EXOSC5: variants seen among roughly 807,000 people sequenced by gnomAD.
The protein encoded by EXOSC5 is exosome complex component RRP46.
Under a neutral mutation model 23.7 loss-of-function variants are expected in EXOSC5, and 15 were observed. The ratio of observed to expected loss-of-function variants is 0.63; its 90% CI spans 0.42 to 0.97. The LOEUF is 0.97. EXOSC5 is among the 50% of genes least tolerant of loss of function. The probability of loss-of-function intolerance (pLI) is 0.00; values close to 1 mark genes in which losing one functional copy is unlikely to be tolerated. For missense variants in EXOSC5, 305 were observed against 316.3 expected (o/e 0.96, Z 0.27); for synonymous variants, 143 against 140.9 (o/e 1.02, Z -0.11).
intron 2 of EXOSC5, 89 bp from the exon 3 acceptor site, chr19:41,392,051 C>G (rs778457484): frequency 5.3e-6 from 8 of 1,514,130 alleles, no homozygotes; most frequent in Non-Finnish European, 7.0e-6. Flanking sequence ...AGAAAGGGCT[C>G]ACGGTCTCAG....
Position 41,397,241 on chromosome 19 carries a change from G to A in EXOSC5, c.88C>T (p.His30Tyr). 1 of 1,614,200 alleles carries A rather than the reference G, an allele frequency of 6.2e-7. No individual in the cohort carries two copies. ...AGCAGGTTCTGTTCGCAGGCAAAGT[G>A]CCGGAGGCTGCAGCCAGGACCCCGA... ...SPRGPGCSLR[H>Y]FACEQNLLSR... Residue 30 changes from histidine (H) to tyrosine (Y), a missense_variant, in exon 1 of 6, where the codon CAC (histidine) becomes TAC (tyrosine). Transcript: ENST00000221233.
At chr19:41,393,717 A>G (rs147704668) in intron 1 of EXOSC5, among the ~76,000 whole-genome samples, 5,139 of 151,236 alleles carry the variant, frequency 0.034, 274 homozygotes, top group African/African-American at 0.12. Flanking sequence ...GCGCCACCAC[A>G]CCTGGCTAAT....
intron 1 of EXOSC5, among the ~76,000 whole-genome samples, chr19:41,393,239 A>G (rs773519543): frequency 5.3e-5 from 8 of 152,222 alleles, no homozygotes; most frequent in Non-Finnish European, 1.2e-4. Context: ...TGAATGTGCA[A>G]CAGACTTTAG....
chr19:41,391,887 C>CG lies in EXOSC5; in HGVS notation c.337dup (p.Arg113ProfsTer50), dbSNP rs1417843923. On this transcript the variant is annotated frameshift_variant, in exon 3 of 6. Coordinates refer to ENST00000221233, the MANE Select transcript of EXOSC5 (RefSeq NM_020158.4). LOFTEE classifies it high-confidence loss of function. ...CTGCAGCACCACGGTGATGGAGGTG[C>CG]GGGGGTGCAACGTGCCCAGCACCAC... 4 of 1,560,482 alleles carry CG rather than the reference C, an allele frequency of 2.6e-6. No homozygotes were observed. Among genetic ancestry groups the CG allele is most frequent in the Non-Finnish European group, 3.4e-6 (4 of 1,159,988 alleles).
intron 1 of EXOSC5, among the ~76,000 whole-genome samples, chr19:41,395,145 C>T (rs1350389852): frequency 6.6e-6 from 1 of 152,080 alleles, no homozygotes; most frequent in Non-Finnish European, 1.5e-5. Flanking sequence ...TTCTTACGTT[C>T]GAAGAAACTT....
intron 1 of EXOSC5, among the ~76,000 whole-genome samples, chr19:41,396,132 TG>T (rs1411372380): frequency 1.3e-5 from 2 of 152,036 alleles, no homozygotes; most frequent in Non-Finnish European, 2.9e-5. Context: ...GGCTCATACC[TG>T]TATGAGCACT....
chr19:41,392,062 C>T (rs1483585466), intron 2 of EXOSC5, 100 bp from the exon 3 acceptor site: 1 of 1,494,706 alleles, frequency 6.7e-7, no homozygotes, highest in South Asian at 1.3e-5. Context: ...ACGGTCTCAG[C>T]CTGGGATGGT....
Position 41,386,527 on chromosome 19 carries a change from A to C in EXOSC5, c.*106T>G, listed in dbSNP as rs2038985086. On this transcript the variant is annotated 3_prime_UTR_variant, in exon 6 of 6. Coordinates refer to ENST00000221233, the MANE Select transcript of EXOSC5 (RefSeq NM_020158.4). ...CCTGTGGTTACAGAGCTGCAGGCTC[A>C]AGGAGCCCATGGGTCAGAGAGGCAA... 8.8e-7 allele frequency: 1 copy of C among 1,131,738 alleles called. No individual in the cohort carries two copies. Among genetic ancestry groups the C allele is most frequent in the Non-Finnish European group, 1.3e-6 (1 of 796,476 alleles). 70.1% of individuals were successfully genotyped at this position (1,131,738 alleles called of 1,614,324 possible).
At position 41,386,659 on chromosome 19, in the gene EXOSC5, G is replaced by A. The variant is rs761642243; in HGVS notation, c.682C>T (p.Leu228=). 1.3e-6 allele frequency: 2 copies of A among 1,599,544 alleles called. No homozygotes were observed. The highest frequency in any genetic ancestry group is 4.5e-5 in the East Asian group (2 of 44,332). Residue 228 remains leucine (L), a synonymous_variant, in exon 6 of 6, where the codon CTG becomes TTG. Coordinates refer to ENST00000221233, the MANE Select transcript of EXOSC5 (RefSeq NM_020158.4). ...CAGCTCTTGGAGTAACGCCTCTGCAGCGATTCCCGGTAGAAACGGAAGACG... is the reference window on the plus strand; with the variant it reads ...CAGCTCTTGGAGTAACGCCTCTGCAACGATTCCCGGTAGAAACGGAAGACG... The part of the protein sequence containing the change: ...QHVFRFYRES[L]QRRYSKS
rs751654580 is a variant in EXOSC5 at position 41,386,676 on chromosome 19, C to A, written c.665G>T (p.Arg222Leu). The change falls in exon 6 of 6, where the codon CGT (arginine) becomes CTT (leucine). Residue 222 changes from arginine (R) to leucine (L), a missense_variant. Arg to Leu is a moderately radical substitution (Grantham distance 102). Coordinates refer to ENST00000221233, the MANE Select transcript of EXOSC5 (RefSeq NM_020158.4). ...CCTCTGCAGCGATTCCCGGTAGAAACGGAAGACGTGTTGCGAAGCGGCCTG... is the reference window on the plus strand; with the variant it reads ...CCTCTGCAGCGATTCCCGGTAGAAAAGGAAGACGTGTTGCGAAGCGGCCTG... ...AAQAASQHVF[R>L]FYRESLQRRY... The A allele has an allele frequency of 4.4e-6, 7 of 1,604,248 alleles. No individual in the cohort carries two copies. Among genetic ancestry groups the A allele is most frequent in the East Asian group, 2.2e-5 (1 of 44,516 alleles).
In EXOSC5 at chr19:41,389,792, C is replaced by T; in HGVS notation, c.498G>A (p.Val166=). Reference sequence around the variant, plus strand: ...TTTCTTGCTTGGATGTAGGATCCAGCACGAGGGTCCCATCAGAGTCCAGGG... The same window carrying T: ...TTTCTTGCTTGGATGTAGGATCCAGTACGAGGGTCCCATCAGAGTCCAGGG... ...ACALDSDGTL[V]LDPTSKQEKE... Residue 166 remains valine, a synonymous_variant, in exon 4 of 6, where the codon GTG becomes GTA. Coordinates refer to ENST00000221233, the MANE Select transcript of EXOSC5 (RefSeq NM_020158.4). 6.2e-7 allele frequency: 1 copy of T among 1,614,040 alleles called. No homozygotes were observed. The highest frequency in any genetic ancestry group is 8.5e-7 in the Non-Finnish European group (1 of 1,179,976).
chr19:41,395,072 C>T (rs2039052215), intron 1 of EXOSC5, among the ~76,000 whole-genome samples: 1 of 151,460 alleles, frequency 6.6e-6, no homozygotes, highest in Non-Finnish European at 1.5e-5. Flanking sequence ...AACTCCTGAC[C>T]TCAGAGGCCT....
chr19:41,397,320 C>T lies in EXOSC5; in HGVS notation c.9G>A (p.Glu3=). 6.2e-7 allele frequency: 1 copy of T among 1,612,466 alleles called. No homozygotes were observed. The highest frequency in any genetic ancestry group is 8.5e-7 in the Non-Finnish European group (1 of 1,178,694). ME[E]ETHTDAKIRA... ...GGATTTTGGCGTCAGTATGCGTCTC[C>T]TCCTCCATCGCGCCGAGCCCACGTG... The change falls in exon 1 of 6, where the codon GAG becomes GAA. Residue 3 remains glutamate, a synonymous_variant. Transcript: ENST00000221233.
chr19:41,392,716 G>C (rs1393410962), intron 2 of EXOSC5, 151 bp downstream of exon 2: 7 of 611,768 alleles, frequency 1.1e-5, no homozygotes, highest in East Asian at 5.5e-5. Flanking sequence ...CAGAAGATGA[G>C]TTATTAATTA....
intron 3 of EXOSC5, 107 bp downstream of exon 3, chr19:41,391,734 T>G: frequency 7.2e-7 from 1 of 1,386,984 alleles, no homozygotes; most frequent in Non-Finnish European, 9.4e-7. Flanking sequence ...AGCTGGTACC[T>G]GTCAAGTGTT....
In EXOSC5 at chr19:41,391,875, G is replaced by A. The variant is rs2039025032; in HGVS notation, c.350C>T (p.Thr117Ile). 6.5e-7 allele frequency: 1 copy of A among 1,549,510 alleles called. No homozygotes were observed. Residue 117 changes from threonine (T) to isoleucine (I), a missense_variant, in exon 3 of 6, where the codon ACC becomes ATC. Thr to Ile is a moderately conservative substitution (Grantham distance 89, BLOSUM62 -1). Transcript: ENST00000221233. ...ATCGCTGACAACCTGCAGCACCACG[G>A]TGATGGAGGTGCGGGGGTGCAACGT... is the stretch of plus-strand genomic sequence containing the variant. Reference protein sequence around the residue: ...LGTLHPRTSITVVLQVVSDAG... With the variant: ...LGTLHPRTSIIVVLQVVSDAG...
chr19:41,392,167 G>T, intron 2 of EXOSC5: 1 of 662,626 alleles, frequency 1.5e-6, no homozygotes, highest in Non-Finnish European at 2.4e-6. Flanking sequence ...CATCCACCAA[G>T]GGAACCATCC....
chr19:41,397,069 T>C, intron 1 of EXOSC5, 112 bp downstream of exon 1: 4 of 1,229,976 alleles, frequency 3.3e-6, no homozygotes, highest in Non-Finnish European at 4.6e-6. Context: ...CAAGAAATCA[T>C]GCATCAACGC....
intron 1 of EXOSC5, among the ~76,000 whole-genome samples, chr19:41,396,903 G>A (rs2039072106): frequency 6.6e-6 from 1 of 151,960 alleles, no homozygotes; most frequent in African/African-American, 2.4e-5. Flanking sequence ...ACCCTGGCGA[G>A]GTGATTTTCC....
Sources: allele counts gnomAD v4.1 joint callset (sites outside exome capture counted in the v4.1 genomes callset), GRCh38; gene constraint gnomAD v4.1.1; transcripts MANE v1.5; gene names NCBI Gene and HGNC (gene_info 2026-07-23, HGNC 2026-07-21).